Variants in PLA2R1 observed in about 807,000 individuals in gnomAD.
PLA2R1 encodes phospholipase A2 receptor 1.
In PLA2R1, 158 loss-of-function variants were observed where a neutral mutation model predicts 195.9. That is an observed-to-expected ratio of 0.81 (90% CI 0.71 to 0.92). PLA2R1 has a LOEUF of 0.92. Ranked by LOEUF, PLA2R1 falls within the 40% of genes least tolerant of loss-of-function variation. The pLI is 0.00. For synonymous variants in PLA2R1, 586 were observed against 598.2 expected, an observed-to-expected ratio of 0.98 and a Z score of 0.30; for missense variants, 1,626 against 1,764.6, an observed-to-expected ratio of 0.92 and a Z score of 1.41.
rs1395421202 is a variant in PLA2R1 at position 160,045,314 on chromosome 2, ATT to A, written c.110-159_110-158del. On this transcript the variant is annotated intron_variant, in intron 1 of 29. Coordinates refer to ENST00000283243, the MANE Select transcript of PLA2R1 (RefSeq NM_007366.5). The stretch of plus-strand genomic sequence containing the variant: ...GGGCAGGGTCCACCTGAAGGGCTGT[ATT>A]TGCATAAAACAGAGGAGTTTCTTGG... Among the ~76,000 whole-genome samples, 3 of 152,320 alleles carry A rather than the reference ATT, an allele frequency of 2.0e-5. No individual in the cohort carries two copies. In the East Asian group the frequency reaches 5.8e-4, roughly 29 times the overall value.
intron 1 of PLA2R1, among the ~76,000 whole-genome samples, chr2:160,054,513 T>C (rs1281710885): frequency 1.3e-5 from 2 of 152,216 alleles, no homozygotes; most frequent in African/African-American, 2.4e-5. Context: ...AAGAGCAGAA[T>C]ACCAAAAGCT....
At chr2:160,023,981 C>T (rs1053465692) in intron 6 of PLA2R1, among the ~76,000 whole-genome samples, 1 of 150,554 alleles carries the variant, frequency 6.6e-6, no homozygotes, top group South Asian at 2.1e-4. Context: ...GGGACCCTAG[C>T]AGCCTCCAAC....
intron 11 of PLA2R1, among the ~76,000 whole-genome samples, chr2:160,002,468 C>T (rs1390213622): frequency 6.6e-6 from 1 of 151,932 alleles, no homozygotes; most frequent in African/African-American, 2.4e-5. Flanking sequence ...TTCTATGAAA[C>T]TTAGCATAAT....
chr2:159,931,799 C>T (rs569478394), downstream of PLA2R1, among the ~76,000 whole-genome samples: 2 of 152,186 alleles, frequency 1.3e-5, no homozygotes, highest in South Asian at 4.2e-4. Flanking sequence ...ATGCATAAAA[C>T]CAACAGGAAG....
At chr2:160,017,095 G>A (rs1558936195) in intron 8 of PLA2R1, among the ~76,000 whole-genome samples, 1 of 152,174 alleles carries the variant, frequency 6.6e-6, no homozygotes, top group Non-Finnish European at 1.5e-5. Context: ...TGGTCCTAGA[G>A]TCAGTAAAAA....
At chr2:159,924,738 G>T in the PLA2R1 span, among the ~76,000 whole-genome samples, 27 of 142,166 alleles carry the variant, frequency 1.9e-4, no homozygotes, top group South Asian at 3.5e-3. Flanking sequence ...CTGGGGGGGG[G>T]GCGGTGCGAA....
chr2:159,955,195 T>C lies in PLA2R1; in HGVS notation c.3301+4A>G, dbSNP rs372064390. On this transcript the variant is annotated splice_donor_region_variant and intron_variant, in intron 23 of 29. Transcript: ENST00000283243. ...AAAGGAATAAAAACCCAAATATTTCTTACCTTGCATTTTTTCACAAACAAA... is the reference window on the plus strand; with the variant it reads ...AAAGGAATAAAAACCCAAATATTTCCTACCTTGCATTTTTTCACAAACAAA... 172 of 1,598,304 alleles carry C rather than the reference T, an allele frequency of 1.1e-4. No individual in the cohort carries two copies. The highest frequency in any genetic ancestry group is 1.4e-4 in the Non-Finnish European group (169 of 1,172,376).
intron 13 of PLA2R1, 45 bp from the exon 14 acceptor site, chr2:159,979,959 A>C: frequency 1.7e-6 from 2 of 1,162,746 alleles, no homozygotes; most frequent in Non-Finnish European, 2.6e-6. Context: ...CATCAAATTT[A>C]CAGCATTATG....
At chr2:160,048,374 C>T (rs1189392874) in intron 1 of PLA2R1, among the ~76,000 whole-genome samples, 1 of 152,168 alleles carries the variant, frequency 6.6e-6, no homozygotes, top group African/African-American at 2.4e-5. Flanking sequence ...CTCTGGTTCA[C>T]CAATAATAAT....
At chr2:160,012,056 ATACTG>A in intron 10 of PLA2R1, among the ~76,000 whole-genome samples, 1 of 152,260 alleles carries the variant, frequency 6.6e-6, no homozygotes, top group East Asian at 1.9e-4. Context: ...GAGGAAGGAC[ATACTG>A]GCAGCTTTGG....
Position 160,022,978 on chromosome 2 carries a change from C to A in PLA2R1, c.1100-119G>T, listed in dbSNP as rs115755279. On this transcript the variant is annotated intron_variant, in intron 6 of 29. Transcript: ENST00000283243. ...TAAAAATGTGAAAAACAGAAATATA[C>A]AAAATGACATATATCATGGAATTCT... The A allele has an allele frequency of 3.9e-3, 2,603 of 669,682 alleles. 53 individuals are homozygous for A. In the African/African-American group the frequency reaches 0.042, roughly 11 times the overall value. The allele number at this position is 669,682 out of a possible 1,614,324, so 41.5% of individuals were successfully genotyped here.
chr2:159,951,668 C>A (rs1312760127), intron 23 of PLA2R1, 90 bp from the exon 24 acceptor site: 41 of 724,172 alleles, frequency 5.7e-5, no homozygotes, highest in Non-Finnish European at 2.5e-6. Flanking sequence ...TCACTATGAT[C>A]CATGTTGATC....
chr2:159,980,224 T>C (rs971290001), intron 13 of PLA2R1, among the ~76,000 whole-genome samples: 1 of 152,162 alleles, frequency 6.6e-6, no homozygotes, highest in South Asian at 2.1e-4. Context: ...TCTATTACTC[T>C]TGGTTTGTGT....
In PLA2R1 at chr2:160,005,691, C is replaced by G; in HGVS notation, c.1795G>C (p.Glu599Gln). The change falls in exon 11 of 30, where the codon GAG becomes CAG. Residue 599 changes from glutamate to glutamine, a missense_variant. By Grantham distance (29) the Glu-to-Gln change is conservative. Transcript: ENST00000283243. Reference protein sequence around the residue: ...YTWKPVGQKPEPVQYTHWNTH... With the variant: ...YTWKPVGQKPQPVQYTHWNTH... Reference sequence around the variant, plus strand: ...TTCCAGTGTGTGTACTGCACCGGCTCGGGTTTCTGCCCTACTGGCTTCCAA... The same window carrying G: ...TTCCAGTGTGTGTACTGCACCGGCTGGGGTTTCTGCCCTACTGGCTTCCAA... 6.2e-7 allele frequency: 1 copy of G among 1,614,090 alleles called. No individual in the cohort carries two copies. Among genetic ancestry groups the G allele is most frequent in the Non-Finnish European group, 8.5e-7 (1 of 1,179,980 alleles).
chr2:159,924,838 C>T, the PLA2R1 span, among the ~76,000 whole-genome samples: 3 of 152,082 alleles, frequency 2.0e-5, no homozygotes, highest in Non-Finnish European at 4.4e-5. Context: ...GTTCCAGACC[C>T]CAGTATGGAC....
At chr2:159,961,351 G>A (rs1427185213) in intron 20 of PLA2R1, among the ~76,000 whole-genome samples, 3 of 152,110 alleles carry the variant, frequency 2.0e-5, no homozygotes, top group Non-Finnish European at 4.4e-5. Context: ...CTGTTGAATT[G>A]CTGGGTAAAT....
At chr2:160,016,119 C>T (rs1300438734) in intron 9 of PLA2R1, among the ~76,000 whole-genome samples, 2 of 152,056 alleles carry the variant, frequency 1.3e-5, no homozygotes, top group African/African-American at 4.8e-5. Context: ...CAAAAATTAG[C>T]CAGGCGTAGT....
chr2:159,949,633 T>A lies in PLA2R1; in HGVS notation c.3684A>T (p.Gln1228His). ...WHSTACESFL[Q>H]GAICHVPPET... is the part of the protein sequence containing the mutation. ...CAGGTGGCACATGACAAATGGCACC[T>A]TGCAGAAATGACTCGCAGGCTGTGC... The change falls in exon 25 of 30, where the codon CAA (glutamine) becomes CAT (histidine). Residue 1228 changes from glutamine (Q) to histidine (H), a missense_variant. Coordinates refer to ENST00000283243, the MANE Select transcript of PLA2R1 (RefSeq NM_007366.5). The A allele has an allele frequency of 6.2e-7, 1 of 1,614,018 alleles. No individual in the cohort carries two copies. Among genetic ancestry groups the A allele is most frequent in the South Asian group, 1.1e-5 (1 of 91,086 alleles).
chr2:160,054,495 A>G (rs1695413878), intron 1 of PLA2R1, among the ~76,000 whole-genome samples: 1 of 152,220 alleles, frequency 6.6e-6, no homozygotes, highest in African/African-American at 2.4e-5. Context: ...CATGATTGAA[A>G]AGTTCTCAAG....
Sources: gnomAD v4.1 joint callset for allele counts (sites outside exome capture counted in the v4.1 genomes callset) on GRCh38, gnomAD v4.1.1 for gene constraint, MANE v1.5 for transcripts, NCBI Gene and HGNC (gene_info 2026-07-23, HGNC 2026-07-21) for gene names.